SLC9A9: variants seen among roughly 807,000 people sequenced by gnomAD.
SLC9A9 encodes sodium/hydrogen exchanger 9.
A neutral mutation model predicts 77.8 loss-of-function variants in SLC9A9; 62 were observed. That is an observed-to-expected ratio of 0.80 (90% confidence interval 0.65 to 0.98). The LOEUF (loss-of-function observed/expected upper bound fraction) is 0.98. Ranked by LOEUF, SLC9A9 falls within the 50% of genes least tolerant of loss-of-function variation. The probability of loss-of-function intolerance (pLI) is 0.00; values close to 1 mark genes in which losing one functional copy is unlikely to be tolerated. For missense variants in SLC9A9, 775 were observed against 774.9 expected, an observed-to-expected ratio of 1.00 and a Z score of 0.00; for synonymous variants, 320 against 283.5, an observed-to-expected ratio of 1.13 and a Z score of -1.29.
chr3:143,716,747 G>T (rs917617339), intron 4 of SLC9A9, among the ~76,000 whole-genome samples: 1 of 152,208 alleles, frequency 6.6e-6, no homozygotes, highest in Non-Finnish European at 1.5e-5. Context: ...TCAAGATGAC[G>T]ACCACAGGGG....
intron 4 of SLC9A9, among the ~76,000 whole-genome samples, chr3:143,723,678 A>G (rs1934561762): frequency 6.6e-6 from 1 of 152,186 alleles, no homozygotes. Context: ...TCTAAACTAT[A>G]TACCTTTTAT....
chr3:143,365,768 G>A (rs543727182), intron 13 of SLC9A9, among the ~76,000 whole-genome samples: 3 of 152,296 alleles, frequency 2.0e-5, no homozygotes, highest in African/African-American at 7.2e-5. Flanking sequence ...CAAAATGACT[G>A]TTGCACACAG....
rs1263804115 is a variant in SLC9A9 at position 143,265,925 on chromosome 3, C to G, written c.*777G>C. ...CCTGCTGCACAGCCAAGAAGTGACT[C>G]ACATGCAGGCAAGGACGGGAAGGCT... On this transcript the variant is annotated 3_prime_UTR_variant, in exon 16 of 16. Coordinates refer to ENST00000316549, the MANE Select transcript of SLC9A9 (RefSeq NM_173653.4). 2 of 632,208 alleles carry G rather than the reference C, an allele frequency of 3.2e-6. No individual in the cohort carries two copies. The highest frequency in any genetic ancestry group is 1.8e-5 in the African/African-American group (1 of 54,940). 39.2% of individuals were successfully genotyped at this position (632,208 alleles called of 1,614,324 possible). A position where few individuals can be genotyped will look rare whatever the true frequency, so the allele number is the denominator to read the frequency against.
chr3:143,471,193 G>T (rs1402199953), intron 11 of SLC9A9, among the ~76,000 whole-genome samples: 1 of 152,240 alleles, frequency 6.6e-6, no homozygotes, highest in South Asian at 2.1e-4. Context: ...GCACGGGGCT[G>T]AGAATGGTGA....
intron 12 of SLC9A9, among the ~76,000 whole-genome samples, chr3:143,397,245 C>T (rs903895613): frequency 6.6e-6 from 1 of 152,224 alleles, no homozygotes; most frequent in Non-Finnish European, 1.5e-5. Flanking sequence ...CCTAAGGCTT[C>T]ACTCTGGGTG....
At chr3:143,321,445 C>G (rs1269095857) in intron 14 of SLC9A9, among the ~76,000 whole-genome samples, 1 of 152,152 alleles carries the variant, frequency 6.6e-6, no homozygotes, top group Non-Finnish European at 1.5e-5. Context: ...TCAAGTATGG[C>G]CACCTGAGGT....
chr3:143,788,688 CAA>C lies in SLC9A9; in HGVS notation c.533+6311_533+6312del, dbSNP rs71140455. 8.5e-4 allele frequency among the ~76,000 whole-genome samples: 76 copies of C among 89,878 alleles called. 2 individuals carry two copies. Among genetic ancestry groups the C allele is most frequent in the East Asian group, 1.6e-3 (5 of 3,060 alleles). The allele number at this position is 89,878 out of a possible 152,430, so 59.0% of individuals were successfully genotyped here. On this transcript the variant is annotated intron_variant, in intron 4 of 15. Coordinates refer to ENST00000316549, the MANE Select transcript of SLC9A9 (RefSeq NM_173653.4). Reference sequence around the variant, plus strand: ...CCTGGGCGACAGAGTGAGACTCCATCAAAAAAAAAAAAAAAAAAAAGACATCA... The same window carrying C: ...CCTGGGCGACAGAGTGAGACTCCATCAAAAAAAAAAAAAAAAAAGACATCA...
At chr3:143,336,696 C>T (rs1053543527) in intron 14 of SLC9A9, among the ~76,000 whole-genome samples, 4 of 151,866 alleles carry the variant, frequency 2.6e-5, no homozygotes, top group Non-Finnish European at 4.4e-5. Context: ...TTAAAGTAGT[C>T]GAATTAACTG....
At chr3:143,601,642 A>C (rs1478647779) in intron 6 of SLC9A9, among the ~76,000 whole-genome samples, 1 of 152,206 alleles carries the variant, frequency 6.6e-6, no homozygotes, top group Non-Finnish European at 1.5e-5. Flanking sequence ...TCATGTATTT[A>C]ACCCTCCCAC....
Position 143,826,273 on chromosome 3 carries a change from A to C in SLC9A9, c.378+5746T>G, listed in dbSNP as rs1422153532. Among the ~76,000 whole-genome samples the C allele has an allele frequency of 6.0e-5, 9 of 150,704 alleles. No individual in the cohort carries two copies. The South Asian group carries it at 1.7e-3, about 28-fold the overall frequency. On this transcript the variant is annotated intron_variant, in intron 2 of 15. Transcript: ENST00000316549. ...GACTCTGTCTTGAAAAAAAAAAAAA[A>C]CCACCATATTTGTGATTTGTGATTT...
intron 15 of SLC9A9, among the ~76,000 whole-genome samples, chr3:143,267,401 T>G (rs1267254955): frequency 2.1e-5 from 3 of 143,588 alleles, no homozygotes; most frequent in Non-Finnish European, 4.5e-5. Flanking sequence ...CAGCCTAGAG[T>G]GCAGTGTTGC....
At chr3:143,735,264 T>A (rs1934910244) in intron 4 of SLC9A9, among the ~76,000 whole-genome samples, 1 of 152,158 alleles carries the variant, frequency 6.6e-6, no homozygotes, top group Non-Finnish European at 1.5e-5. Flanking sequence ...ATCAATAATG[T>A]GAAGCAGCAA....
At chr3:143,627,420 C>A in intron 6 of SLC9A9, 1 of 223,538 alleles carries the variant, frequency 4.5e-6, no homozygotes, top group African/African-American at 2.3e-5. Context: ...TGTTCCTCAG[C>A]CACCACCCAA....
intron 6 of SLC9A9, among the ~76,000 whole-genome samples, chr3:143,614,752 TA>T (rs1402339369): frequency 1.3e-5 from 2 of 152,242 alleles, no homozygotes; most frequent in African/African-American, 4.8e-5. Flanking sequence ...ACATTTATGG[TA>T]ACCTTTTATG....
intron 6 of SLC9A9, among the ~76,000 whole-genome samples, chr3:143,598,288 G>T (rs138520634): frequency 3.3e-5 from 5 of 152,242 alleles, no homozygotes; most frequent in African/African-American, 1.2e-4. Context: ...GACAGGCAAC[G>T]CAGCTGTTTC....
intron 14 of SLC9A9, among the ~76,000 whole-genome samples, chr3:143,314,858 T>C (rs1156913085): frequency 6.6e-6 from 1 of 152,228 alleles, no homozygotes; most frequent in African/African-American, 2.4e-5. Context: ...AGCCACACTC[T>C]TGGTGATTAA....
chr3:143,303,795 C>T (rs1237657447), intron 14 of SLC9A9, among the ~76,000 whole-genome samples: 1 of 152,152 alleles, frequency 6.6e-6, no homozygotes, highest in Admixed American at 6.5e-5. Flanking sequence ...ATTTCCCTTG[C>T]AAAACTTGCC....
At chr3:143,807,320 G>T (rs1394812331) in intron 2 of SLC9A9, among the ~76,000 whole-genome samples, 1 of 152,146 alleles carries the variant, frequency 6.6e-6, no homozygotes, top group East Asian at 1.9e-4. Flanking sequence ...CTTCTGAGTT[G>T]ATTGTTGCAG....
chr3:143,659,078 G>A (rs1195904094), intron 5 of SLC9A9, among the ~76,000 whole-genome samples: 1 of 152,214 alleles, frequency 6.6e-6, no homozygotes, highest in Non-Finnish European at 1.5e-5. Flanking sequence ...AACATGCCCA[G>A]TATCTGAGTG....
Sources: gnomAD v4.1 joint callset for allele counts (sites outside exome capture counted in the v4.1 genomes callset) on GRCh38, gnomAD v4.1.1 for gene constraint, MANE v1.5 for transcripts, NCBI Gene and HGNC (gene_info 2026-07-23, HGNC 2026-07-21) for gene names.